Variants in RCC2 observed in about 807,000 individuals in gnomAD.
The protein encoded by RCC2 is protein RCC2.
Under a neutral mutation model 64.1 loss-of-function variants are expected in RCC2, and 19 were observed. The ratio of observed to expected loss-of-function variants is 0.30; its 90% CI spans 0.21 to 0.44. The LOEUF is 0.44. Among genes scored for constraint, RCC2 ranks in the 20% least tolerant of loss-of-function variants. The pLI is 1.00. For synonymous variants in RCC2, 325 were observed against 279.6 expected (o/e 1.16, Z -1.62); for missense variants, 508 against 710.4 (o/e 0.72, Z 3.24).
At chr1:17,420,564 T>TCGGTGGTC in intron 7 of RCC2, 150 bp downstream of exon 7, 3 of 487,346 alleles carry the variant, frequency 6.2e-6, no homozygotes, top group South Asian at 4.7e-5. Context: ...CGCGCTGTTC[T>TCGGTGGTC]GCTGAACGTG....
intron 8 of RCC2, among the ~76,000 whole-genome samples, chr1:17,415,823 C>T (rs1333446486): frequency 6.6e-6 from 1 of 151,844 alleles, no homozygotes; most frequent in African/African-American, 2.4e-5. Flanking sequence ...AATCCCAGCA[C>T]TTTGAGAGGC....
chr1:17,422,163 G>A (rs370649831), intron 6 of RCC2, 40 bp downstream of exon 6: 449 of 1,430,712 alleles, frequency 3.1e-4, no homozygotes, highest in South Asian at 9.7e-4. Context: ...AAAGTAAAGA[G>A]AAACAAAAAG....
chr1:17,431,359 A>AAAAATATATATATAT (rs1553158471), intron 2 of RCC2, among the ~76,000 whole-genome samples: 1 of 44,932 alleles, frequency 2.2e-5, no homozygotes, highest in Non-Finnish European at 3.8e-5. Context: ...AAAAAAAAAA[A>AAAAATATATATATAT]ATATATATAT....
At chr1:17,438,085 G>C in intron 2 of RCC2, 145 bp downstream of exon 2, 1 of 461,724 alleles carries the variant, frequency 2.2e-6, no homozygotes, top group East Asian at 1.2e-4. Flanking sequence ...CGGAGGCAAT[G>C]ATTCAGCCCG....
intron 9 of RCC2, 131 bp downstream of exon 9, chr1:17,413,406 G>C (rs751061009): frequency 1.2e-5 from 13 of 1,049,982 alleles, no homozygotes; most frequent in Non-Finnish European, 1.7e-5. Flanking sequence ...ACAACACAAC[G>C]AGTTCCTGTC....
At chr1:17,411,460 C>A (rs922932883) in intron 11 of RCC2, among the ~76,000 whole-genome samples, 2 of 151,978 alleles carry the variant, frequency 1.3e-5, no homozygotes, top group Non-Finnish European at 2.9e-5. Context: ...CCTAGAGTCC[C>A]AGCTACTCAG....
intron 8 of RCC2, among the ~76,000 whole-genome samples, chr1:17,415,434 C>T (rs942432415): frequency 1.6e-4 from 24 of 152,160 alleles, no homozygotes; most frequent in African/African-American, 4.8e-4. Flanking sequence ...CACTAACAGC[C>T]GGGCGCGGTG....
chr1:17,437,426 C>T (rs535709005), intron 2 of RCC2, among the ~76,000 whole-genome samples: 1 of 151,742 alleles, frequency 6.6e-6, no homozygotes, highest in East Asian at 1.9e-4. Flanking sequence ...GCTGTGGCGG[C>T]AGATGCCGGG....
chr1:17,408,855 T>C lies in RCC2; in HGVS notation c.*235A>G, dbSNP rs2075394385. ...TTTTGTAGGAATGGTAAATCAACTA[T>C]GAGCAAGTATTTTAATTCAACATTA... On this transcript the variant is annotated 3_prime_UTR_variant, in exon 13 of 13. Coordinates refer to ENST00000375436, the MANE Select transcript of RCC2 (RefSeq NM_018715.4). The C allele has an allele frequency of 4.2e-6, 2 of 473,154 alleles. No homozygotes were observed. The highest frequency in any genetic ancestry group is 3.9e-5 in the South Asian group (1 of 25,478). The allele number at this position is 473,154 out of a possible 1,614,324, so 29.3% of individuals were successfully genotyped here. A position where few individuals can be genotyped will look rare whatever the true frequency, so the allele number is the denominator to read the frequency against.
intron 1 of RCC2, 60 bp from the exon 2 acceptor site, chr1:17,438,582 G>A (rs927978091): frequency 1.2e-5 from 15 of 1,270,702 alleles, no homozygotes; most frequent in African/African-American, 9.2e-5. Context: ...CGCGGGGGGA[G>A]GGGAGCGGAG....
chr1:17,422,903 C>A, intron 4 of RCC2, 67 bp from the exon 5 acceptor site: 3 of 1,585,440 alleles, frequency 1.9e-6, no homozygotes, highest in Non-Finnish European at 2.6e-6. Context: ...CAGGAGAAGG[C>A]GAGTACAAAC....
At chr1:17,438,961 C>G (rs959858853) in intron 1 of RCC2, among the ~76,000 whole-genome samples, 3 of 151,996 alleles carry the variant, frequency 2.0e-5, no homozygotes, top group Non-Finnish European at 4.4e-5. Context: ...TCCCCGGCTA[C>G]CCCACCTGCT....
intron 8 of RCC2, among the ~76,000 whole-genome samples, chr1:17,414,824 G>A (rs1234749063): frequency 6.6e-6 from 1 of 152,022 alleles, no homozygotes; most frequent in Non-Finnish European, 1.5e-5. Flanking sequence ...GTAGAGATGG[G>A]GGTCTCACCA....
rs1570172666 is a variant in RCC2 at position 17,412,146 on chromosome 1, A to C, written c.1362T>G (p.Gly454=). The part of the protein sequence containing the change: ...VAADESTISW[G]PSPTFGELGY... ...CCAGTTCCCCAAAGGTCGGTGACGG[A>C]CCCCAGCTGATGGTGCTCTCATCGG... The change falls in exon 11 of 13, where the codon GGT becomes GGG. Residue 454 remains glycine (G), a synonymous_variant. Transcript: ENST00000375436. 1 of 1,614,016 alleles carries C rather than the reference A, an allele frequency of 6.2e-7. No homozygotes were observed. Among genetic ancestry groups the C allele is most frequent in the South Asian group, 1.1e-5 (1 of 91,056 alleles).
At chr1:17,424,090 G>A (rs1196511488) in intron 4 of RCC2, among the ~76,000 whole-genome samples, 1 of 152,240 alleles carries the variant, frequency 6.6e-6, no homozygotes, top group East Asian at 1.9e-4. Context: ...AGTCTCAGTG[G>A]ACTGAGATGC....
intron 1 of RCC2, 148 bp from the exon 2 acceptor site, chr1:17,438,670 T>G (rs2075772082): frequency 5.2e-6 from 4 of 763,106 alleles, no homozygotes; most frequent in Non-Finnish European, 1.8e-6. Context: ...GGGGGCGAGT[T>G]GGGAGAGGAA....
intron 7 of RCC2, among the ~76,000 whole-genome samples, chr1:17,418,384 C>T (rs563524585): frequency 2.0e-5 from 3 of 152,094 alleles, no homozygotes; most frequent in Admixed American, 1.3e-4. Flanking sequence ...CTTGGCCGGG[C>T]GCGGTGGCTC....
At chr1:17,409,263 G>A in intron 12 of RCC2, 69 bp from the exon 13 acceptor site, 1 of 1,009,382 alleles carries the variant, frequency 9.9e-7, no homozygotes, top group Non-Finnish European at 1.6e-6. Context: ...AAGAGACTCT[G>A]GAAACTGGGC....
At position 17,407,167 on chromosome 1, in the gene RCC2, G is replaced by A. The variant is rs903130876; in HGVS notation, c.*1923C>T. ...CTGGGCTAGGGTTCTAGAAGAGGCT[G>A]GCTGCCACGTTTACATGAGGCCACC... is the stretch of plus-strand genomic sequence containing the variant. On this transcript the variant is annotated 3_prime_UTR_variant, in exon 13 of 13. Transcript: ENST00000375436. 3.3e-5 allele frequency: 5 copies of A among 152,196 alleles called. No individual in the cohort carries two copies. The highest frequency in any genetic ancestry group is 9.7e-5 in the African/African-American group (4 of 41,440). 9.4% of individuals were successfully genotyped at this position (152,196 alleles called of 1,614,324 possible). A position where few individuals can be genotyped will look rare whatever the true frequency, so the allele number is the denominator to read the frequency against.
Sources: allele counts gnomAD v4.1 joint callset (sites outside exome capture counted in the v4.1 genomes callset), GRCh38; gene constraint gnomAD v4.1.1; transcripts MANE v1.5; gene names NCBI Gene and HGNC (gene_info 2026-07-23, HGNC 2026-07-21).